NIPA1: variants seen among roughly 807,000 people sequenced by gnomAD.
NIPA1 encodes magnesium transporter NIPA1.
In NIPA1, 13 loss-of-function variants were observed where a neutral mutation model predicts 23.9. That is an observed-to-expected ratio of 0.54 (90% CI 0.35 to 0.87). The LOEUF (loss-of-function observed/expected upper bound fraction) is 0.87, where lower values mean the gene tolerates loss of function less well. Among genes scored for constraint, NIPA1 ranks in the 40% least tolerant of loss-of-function variants. The pLI, the probability that NIPA1 is intolerant of heterozygous loss-of-function variation, is 0.01. For missense variants in NIPA1, 362 were observed against 429.7 expected, an observed-to-expected ratio of 0.84 and a Z score of 1.39; for synonymous variants, 234 against 202.9, an observed-to-expected ratio of 1.15 and a Z score of -1.30.
chr15:22,792,463 A>G (rs1401825828), intron 1 of NIPA1, among the ~76,000 whole-genome samples: 4 of 151,652 alleles, frequency 2.6e-5, no homozygotes, highest in African/African-American at 7.3e-5. Context: ...GGTTCACGCC[A>G]TTTTTCTGCC....
chr15:22,801,435 T>G lies in NIPA1; in HGVS notation c.179-9314T>G, dbSNP rs149828306. ...TTGATCACTGTGGTGGGGGAAAGGA[T>G]GAGAGAGATTGCCTTTAGTTAAGGC... On this transcript the variant is annotated intron_variant, in intron 1 of 4. Coordinates refer to ENST00000337435, the MANE Select transcript of NIPA1 (RefSeq NM_144599.5). 4.0e-3 allele frequency among the ~76,000 whole-genome samples: 605 copies of G among 150,530 alleles called. 4 individuals are homozygous for G. The highest frequency in any genetic ancestry group is 0.014 in the African/African-American group (562 of 40,926).
At chr15:22,818,061 A>G (rs891623163) in intron 3 of NIPA1, among the ~76,000 whole-genome samples, 1 of 152,242 alleles carries the variant, frequency 6.6e-6, no homozygotes, top group African/African-American at 2.4e-5. Context: ...CTTTCTGCTT[A>G]AAAGGATGCC....
At chr15:22,809,690 A>G (rs1895280471) in intron 1 of NIPA1, among the ~76,000 whole-genome samples, 1 of 151,302 alleles carries the variant, frequency 6.6e-6, no homozygotes, top group Admixed American at 6.6e-5. Context: ...GGTTTCAGTG[A>G]GTCAACATCG....
rs539583313 is a variant in NIPA1, at chr15:22,802,024, G to T, written c.179-8725G>T. ...ATGACATTTCCCATAGAAACTGCAA[G>T]AAACTTTATTACAGTGGTTAGTTGT... On this transcript the variant is annotated intron_variant, in intron 1 of 4. Transcript: ENST00000337435. 1.4e-4 allele frequency among the ~76,000 whole-genome samples: 22 copies of T among 152,250 alleles called. 1 individual carries two copies. Among genetic ancestry groups the T allele is most frequent in the African/African-American group, 5.3e-4 (22 of 41,540 alleles).
chr15:22,812,462 G>C (rs538064176), intron 3 of NIPA1, among the ~76,000 whole-genome samples: 1 of 152,108 alleles, frequency 6.6e-6, no homozygotes, highest in South Asian at 2.1e-4. Context: ...GACCAGCCTG[G>C]CCAACATGGT....
At chr15:22,810,535 T>C (rs758772628) in intron 1 of NIPA1, among the ~76,000 whole-genome samples, 4 of 152,146 alleles carry the variant, frequency 2.6e-5, no homozygotes, top group Non-Finnish European at 4.4e-5. Context: ...CAGCCTGTGT[T>C]GGTTGCAAAA....
intron 1 of NIPA1, among the ~76,000 whole-genome samples, chr15:22,810,119 C>A (rs1895290495): frequency 1.3e-5 from 2 of 152,068 alleles, no homozygotes; most frequent in Admixed American, 1.3e-4. Flanking sequence ...GGAGACCTCT[C>A]ACCATACACA....
intron 3 of NIPA1, among the ~76,000 whole-genome samples, chr15:22,816,178 ATTTTTTTTTTTTT>A (rs71117481): frequency 1.3e-4 from 10 of 77,460 alleles, no homozygotes; most frequent in South Asian, 6.4e-4. Flanking sequence ...AGAAGACCTG[ATTTTTTTTTTTTT>A]TTTTTTTTTT....
chr15:22,814,353 G>C (rs566552132), intron 3 of NIPA1, among the ~76,000 whole-genome samples: 1 of 151,858 alleles, frequency 6.6e-6, no homozygotes, highest in African/African-American at 2.4e-5. Flanking sequence ...TACCTGCTGG[G>C]TTCATGCCCG....
chr15:22,808,827 AC>A (rs1391093835), intron 1 of NIPA1, among the ~76,000 whole-genome samples: 1 of 151,484 alleles, frequency 6.6e-6, no homozygotes, highest in African/African-American at 2.4e-5. Flanking sequence ...GCACCACCAC[AC>A]CCAGCTAATT....
chr15:22,803,614 T>G (rs1338555802), intron 1 of NIPA1, among the ~76,000 whole-genome samples: 1 of 148,166 alleles, frequency 6.7e-6, no homozygotes, highest in African/African-American at 2.5e-5. Flanking sequence ...GTTCAAGTGA[T>G]TCTCCTGCCT....
At chr15:22,791,819 C>T (rs900294441) in intron 1 of NIPA1, among the ~76,000 whole-genome samples, 1 of 152,196 alleles carries the variant, frequency 6.6e-6, no homozygotes, top group Admixed American at 6.5e-5. Context: ...CACAGTACAA[C>T]TCCCAGTAGT....
intron 1 of NIPA1, among the ~76,000 whole-genome samples, chr15:22,807,782 T>TTTGTGTGTGTGTGTGTG (rs1555372969): frequency 2.7e-5 from 4 of 145,826 alleles, no homozygotes; most frequent in African/African-American, 1.1e-4. Flanking sequence ...TTAAATTCAC[T>TTTGTGTGTGTGTGTGTG]TGTGTGTGTG....
At position 22,798,005 on chromosome 15, in the gene NIPA1, C is replaced by T. The variant is rs989891298; in HGVS notation, c.178+11171C>T. ...GACCACAGGCACCTGCCACTACGCC[C>T]GGCTAATTTCTTTTTGTATTTTTAG... On this transcript the variant is annotated intron_variant, in intron 1 of 4. Transcript: ENST00000337435. 1.3e-4 allele frequency among the ~76,000 whole-genome samples: 20 copies of T among 151,804 alleles called. No homozygotes were observed. In the East Asian group the frequency reaches 3.1e-3, roughly 24 times the overall value.
At chr15:22,820,277 G>A in intron 3 of NIPA1, 36 bp from the exon 4 acceptor site, 1 of 1,477,688 alleles carries the variant, frequency 6.8e-7, no homozygotes, top group East Asian at 2.3e-5. Context: ...AGGTAGTTTG[G>A]TTTAAACTTT....
chr15:22,818,091 G>A (rs757329007), intron 3 of NIPA1, among the ~76,000 whole-genome samples: 2 of 152,112 alleles, frequency 1.3e-5, no homozygotes, highest in African/African-American at 2.4e-5. Context: ...TTGAAAACTC[G>A]TGGGAGAAAA....
chr15:22,789,820 A>G (rs956346888), intron 1 of NIPA1, among the ~76,000 whole-genome samples: 2 of 151,802 alleles, frequency 1.3e-5, no homozygotes, highest in Admixed American at 6.6e-5. Flanking sequence ...TTGGAGATGG[A>G]GTCTAGCTCT....
At position 22,824,453 on chromosome 15, in the gene NIPA1, A is replaced by C; in HGVS notation, c.*214A>C. 1.7e-6 allele frequency: 1 copy of C among 585,428 alleles called. No individual in the cohort carries two copies. 36.3% of individuals were successfully genotyped at this position (585,428 alleles called of 1,614,324 possible). The stretch of plus-strand genomic sequence containing the variant: ...CAAACGTCCCCAACGGTTGCCTGGC[A>C]CCATCTCTCTCTGATGAGACGAATC... On this transcript the variant is annotated 3_prime_UTR_variant, in exon 5 of 5. Transcript: ENST00000337435. The surrounding 1 kb of genome is among the most constrained non-coding windows in gnomAD (Gnocchi z 4.1).
At chr15:22,810,479 G>C (rs1255272610) in intron 1 of NIPA1, among the ~76,000 whole-genome samples, 1 of 151,948 alleles carries the variant, frequency 6.6e-6, no homozygotes, top group Non-Finnish European at 1.5e-5. Flanking sequence ...TAGCTTGTTG[G>C]GTGAAAGAAA....
Sources: allele counts gnomAD v4.1 joint callset (sites outside exome capture counted in the v4.1 genomes callset), GRCh38; gene constraint gnomAD v4.1.1; non-coding constraint Gnocchi (gnomAD v3.1); transcripts MANE v1.5; gene names NCBI Gene and HGNC (gene_info 2026-07-23, HGNC 2026-07-21).